The following SORCS2 variants were observed in gnomAD, a reference collection of about 807,000 sequenced individuals.
The protein encoded by SORCS2 is VPS10 domain-containing receptor SorCS2.
Under a neutral mutation model 141.6 loss-of-function variants are expected in SORCS2, and 100 were observed. The ratio of observed to expected loss-of-function variants is 0.71; its 90% CI spans 0.60 to 0.83. The LOEUF is 0.83. Among genes scored for constraint, SORCS2 ranks in the 40% least tolerant of loss-of-function variants. The pLI is 0.00. For synonymous variants in SORCS2, 789 were observed against 676.9 expected, an observed-to-expected ratio of 1.17 and a Z score of -2.57; for missense variants, 1,646 against 1,560.2, an observed-to-expected ratio of 1.05 and a Z score of -0.93.
At chr4:7,507,718 A>G (rs1732357859) in intron 2 of SORCS2, among the ~76,000 whole-genome samples, 2 of 147,886 alleles carry the variant, frequency 1.4e-5, no homozygotes, top group South Asian at 2.4e-4. Context: ...AGTGGGGAAA[A>G]ATGTCAGTGG....
intron 11 of SORCS2, among the ~76,000 whole-genome samples, chr4:7,692,951 C>T (rs1388533354): frequency 1.3e-5 from 2 of 152,152 alleles, no homozygotes; most frequent in Non-Finnish European, 2.9e-5. Flanking sequence ...GCCATGGCTC[C>T]AGCTACTAAT....
intron 1 of SORCS2, among the ~76,000 whole-genome samples, chr4:7,371,921 G>A (rs1379730741): frequency 6.6e-6 from 1 of 152,226 alleles, no homozygotes; most frequent in Non-Finnish European, 1.5e-5. Context: ...CTCTAGAAGG[G>A]CTGTGTTGGC....
intron 1 of SORCS2, among the ~76,000 whole-genome samples, chr4:7,200,843 G>C (rs1323771728): frequency 6.6e-6 from 1 of 152,220 alleles, no homozygotes; most frequent in African/African-American, 2.4e-5. Context: ...CTGGCCAGCA[G>C]AGCCACCAAT....
Position 7,723,902 on chromosome 4 carries a change from T to A in SORCS2, c.2611+19T>A. 1 of 1,585,754 alleles carries A rather than the reference T, an allele frequency of 6.3e-7. No individual in the cohort carries two copies. The highest frequency in any genetic ancestry group is 1.3e-5 in the African/African-American group (1 of 74,522). On this transcript the variant is annotated intron_variant, in intron 19 of 26. Coordinates refer to ENST00000507866, the MANE Select transcript of SORCS2 (RefSeq NM_020777.3). ...GTCAACTGTAAGTTTATTGCCCCTT[T>A]GAGGCCAAAGGTCACTCCCTTTGAG...
At chr4:7,516,266 G>A (rs1033508714) in intron 2 of SORCS2, among the ~76,000 whole-genome samples, 4 of 152,138 alleles carry the variant, frequency 2.6e-5, no homozygotes, top group Non-Finnish European at 5.9e-5. Context: ...CATGCAGAAA[G>A]GGAATGAGAA....
chr4:7,511,875 C>G (rs1158720308), intron 2 of SORCS2, among the ~76,000 whole-genome samples: 1 of 152,148 alleles, frequency 6.6e-6, no homozygotes. Context: ...GGGAAATGTC[C>G]CTAATGGAAA....
chr4:7,575,937 T>C (rs952318643), intron 3 of SORCS2, among the ~76,000 whole-genome samples: 1 of 152,230 alleles, frequency 6.6e-6, no homozygotes, highest in Non-Finnish European at 1.5e-5. Flanking sequence ...CTGAATGATC[T>C]GAGTTCATAA....
intron 10 of SORCS2, 60 bp from the exon 11 acceptor site, chr4:7,689,426 G>A (rs1724073432): frequency 2.0e-6 from 3 of 1,510,736 alleles, no homozygotes; most frequent in African/African-American, 1.4e-5. Context: ...ATCAGGCTTA[G>A]TTTTCCTAAG....
At chr4:7,434,165 G>A in intron 2 of SORCS2, 2 of 1,613,964 alleles carry the variant, frequency 1.2e-6, no homozygotes, top group African/African-American at 2.7e-5. Context: ...AGAAGCCTCA[G>A]TGCTTGGTCA....
chr4:7,353,413 G>T (rs1721066370), intron 1 of SORCS2, among the ~76,000 whole-genome samples: 1 of 152,198 alleles, frequency 6.6e-6, no homozygotes, highest in African/African-American at 2.4e-5. Context: ...ATTAGAAGGA[G>T]ACAGGCACCC....
In SORCS2 at chr4:7,636,766, G is replaced by A. The variant is rs551318194; in HGVS notation, c.649-1562G>A. Among the ~76,000 whole-genome samples, 6 of 152,064 alleles carry A rather than the reference G, an allele frequency of 3.9e-5. No individual in the cohort carries two copies. In the East Asian group the frequency reaches 5.8e-4, roughly 15 times the overall value. On this transcript the variant is annotated intron_variant, in intron 3 of 26. Coordinates refer to ENST00000507866, the MANE Select transcript of SORCS2 (RefSeq NM_020777.3). ...TCCCAGCCCGAATAACACGATTCCC[G>A]GTTGGAGGAGCTATTGTGTGTGTTT... is the stretch of plus-strand genomic sequence containing the variant.
intron 3 of SORCS2, among the ~76,000 whole-genome samples, chr4:7,599,971 G>A (rs1310077518): frequency 6.6e-6 from 1 of 151,860 alleles, no homozygotes; most frequent in African/African-American, 2.4e-5. Context: ...TTACAGGTCT[G>A]TGCCACCACA....
intron 1 of SORCS2, among the ~76,000 whole-genome samples, chr4:7,389,394 C>A (rs75101477): frequency 1.3e-5 from 2 of 151,954 alleles, no homozygotes; most frequent in Non-Finnish European, 2.9e-5. Context: ...GAGACTCAGG[C>A]CGGCCACTGC....
intron 2 of SORCS2, among the ~76,000 whole-genome samples, chr4:7,489,214 G>T (rs1731171137): frequency 6.6e-6 from 1 of 152,202 alleles, no homozygotes; most frequent in African/African-American, 2.4e-5. Flanking sequence ...TTTGGGTGCT[G>T]GGTGGCAGGA....
At chr4:7,220,368 C>T (rs1272185461) in intron 1 of SORCS2, among the ~76,000 whole-genome samples, 1 of 152,068 alleles carries the variant, frequency 6.6e-6, no homozygotes, top group African/African-American at 2.4e-5. Flanking sequence ...CTAGGGGCCT[C>T]GTCTGAGTCT....
At chr4:7,441,212 G>C (rs908806419) in intron 2 of SORCS2, among the ~76,000 whole-genome samples, 2 of 152,192 alleles carry the variant, frequency 1.3e-5, no homozygotes, top group African/African-American at 4.8e-5. Context: ...GGAGTTGTTG[G>C]CTGCTTCTGG....
rs961866596 is a variant in SORCS2, at chr4:7,485,707, C to A, written c.549-45823C>A. On this transcript the variant is annotated intron_variant, in intron 2 of 26. Transcript: ENST00000507866. ...GGGAGCTGAGGCTCAGGCCTGGCAC[C>A]CCTAGAAGGGCAGCTTCCCTGGGGG... 2.0e-5 allele frequency among the ~76,000 whole-genome samples: 3 copies of A among 152,236 alleles called. No individual in the cohort carries two copies. The East Asian group carries it at 5.8e-4, about 29-fold the overall frequency.
intron 3 of SORCS2, among the ~76,000 whole-genome samples, chr4:7,533,013 C>A (rs1711789893): frequency 6.6e-6 from 1 of 151,230 alleles, no homozygotes. Flanking sequence ...CCAGCCCCTG[C>A]TTCTTCCCAG....
chr4:7,301,979 T>C (rs1283681515), intron 1 of SORCS2, among the ~76,000 whole-genome samples: 1 of 152,232 alleles, frequency 6.6e-6, no homozygotes, highest in Non-Finnish European at 1.5e-5. Context: ...CACTGTCCCC[T>C]ACAGTGGCCT....
Sources: gnomAD v4.1 joint callset for allele counts (sites outside exome capture counted in the v4.1 genomes callset) on GRCh38, gnomAD v4.1.1 for gene constraint, MANE v1.5 for transcripts, NCBI Gene and HGNC (gene_info 2026-07-23, HGNC 2026-07-21) for gene names.